Variants in FAM117B observed in about 807,000 individuals in gnomAD.
FAM117B encodes family with sequence similarity 117 member B.
FAM117B carries 22 observed loss-of-function variants against 52.8 expected under a neutral mutation model. The observed-to-expected ratio is 0.42, with a 90% CI of 0.30 to 0.59. The LOEUF (loss-of-function observed/expected upper bound fraction) is 0.59, where lower values mean the gene tolerates loss of function less well. Among genes scored for constraint, FAM117B ranks in the 20% least tolerant of loss-of-function variants. The probability of loss-of-function intolerance (pLI) is 0.22; values close to 1 mark genes in which losing one functional copy is unlikely to be tolerated. For missense variants in FAM117B, 678 were observed against 802.6 expected, an observed-to-expected ratio of 0.84 and a Z score of 1.88; for synonymous variants, 309 against 324.1, an observed-to-expected ratio of 0.95 and a Z score of 0.50.
chr2:202,693,785 ACT>A lies in FAM117B; in HGVS notation c.602-2093_602-2092del, dbSNP rs1232631184. Among the ~76,000 whole-genome samples the A allele has an allele frequency of 9.2e-5, 14 of 151,898 alleles. No homozygotes were observed. The East Asian group carries it at 1.4e-3, about 15-fold the overall frequency. On this transcript the variant is annotated intron_variant, in intron 1 of 7. Coordinates refer to ENST00000392238, the MANE Select transcript of FAM117B (RefSeq NM_173511.4). ...GAATGGCCTATCATTACATTATGTGACTCTGCCGTAATGTGTCCAATCATCTT... is the reference window on the plus strand; with the variant it reads ...GAATGGCCTATCATTACATTATGTGACTGCCGTAATGTGTCCAATCATCTT...
At chr2:202,637,131 AG>A (rs1689698704) in intron 1 of FAM117B, among the ~76,000 whole-genome samples, 1 of 151,990 alleles carries the variant, frequency 6.6e-6, no homozygotes, top group African/African-American at 2.4e-5. Context: ...TCCTGACCTC[AG>A]GTGAAACGCC....
At chr2:202,723,155 C>T (rs1404243773) in intron 2 of FAM117B, among the ~76,000 whole-genome samples, 2 of 152,072 alleles carry the variant, frequency 1.3e-5, no homozygotes, top group African/African-American at 2.4e-5. Context: ...TTTAAGGATC[C>T]TTGTCAGAAT....
intron 4 of FAM117B, among the ~76,000 whole-genome samples, chr2:202,744,421 G>T (rs1691598961): frequency 6.6e-6 from 1 of 152,122 alleles, no homozygotes; most frequent in Non-Finnish European, 1.5e-5. Flanking sequence ...CTAGAGAAAA[G>T]TATTAATCTA....
At chr2:202,757,069 C>A in intron 5 of FAM117B, 144 bp from the exon 6 acceptor site, 1 of 830,256 alleles carries the variant, frequency 1.2e-6, no homozygotes, top group Non-Finnish European at 1.9e-6. Context: ...ATGTCACTAA[C>A]GTGCAACATG....
chr2:202,749,509 A>T (rs1292265356), intron 4 of FAM117B, among the ~76,000 whole-genome samples: 1 of 151,908 alleles, frequency 6.6e-6, no homozygotes, highest in African/African-American at 2.4e-5. Flanking sequence ...GTGTATATGT[A>T]TATAGAAGAA....
chr2:202,676,008 A>G (rs1410483628), intron 1 of FAM117B, among the ~76,000 whole-genome samples: 1 of 149,970 alleles, frequency 6.7e-6, no homozygotes, highest in African/African-American at 2.5e-5. Flanking sequence ...AAAAAAAAGA[A>G]TATAGCAAAA....
chr2:202,652,273 AT>A (rs200864839), intron 1 of FAM117B, among the ~76,000 whole-genome samples: 1 of 151,092 alleles, frequency 6.6e-6, no homozygotes, highest in African/African-American at 2.4e-5. Flanking sequence ...TAATTTCTTT[AT>A]TTTTTTTGTA....
intron 2 of FAM117B, among the ~76,000 whole-genome samples, chr2:202,723,520 C>T (rs955746360): frequency 1.3e-5 from 2 of 152,174 alleles, no homozygotes; most frequent in Non-Finnish European, 2.9e-5. Flanking sequence ...TTGCTATACA[C>T]ACGGTACTGA....
intron 1 of FAM117B, among the ~76,000 whole-genome samples, chr2:202,690,649 G>A (rs775317176): frequency 6.6e-6 from 1 of 152,164 alleles, no homozygotes; most frequent in African/African-American, 2.4e-5. Context: ...AACACCTAGA[G>A]GCATGTAAGG....
chr2:202,730,860 A>G (rs983508099), intron 4 of FAM117B, among the ~76,000 whole-genome samples: 3 of 152,212 alleles, frequency 2.0e-5, no homozygotes, highest in African/African-American at 7.2e-5. Flanking sequence ...CTTAGAAATG[A>G]CACTAAAAGC....
At chr2:202,651,647 T>G (rs1689960087) in intron 1 of FAM117B, among the ~76,000 whole-genome samples, 1 of 151,816 alleles carries the variant, frequency 6.6e-6, no homozygotes, top group African/African-American at 2.4e-5. Flanking sequence ...GTGCTGGGAT[T>G]ACAGGCGTGA....
intron 2 of FAM117B, among the ~76,000 whole-genome samples, chr2:202,701,073 A>G (rs2105778767): frequency 6.6e-6 from 1 of 152,314 alleles, no homozygotes; most frequent in East Asian, 1.9e-4. Context: ...GAGAGAAGTC[A>G]ATGCCTGACT....
chr2:202,754,930 C>T (rs1456887284), intron 4 of FAM117B, among the ~76,000 whole-genome samples: 1 of 146,434 alleles, frequency 6.8e-6, no homozygotes, highest in Non-Finnish European at 1.5e-5. Context: ...ACTAACAGTT[C>T]TGCAGGCTGT....
At chr2:202,652,903 G>C (rs990096626) in intron 1 of FAM117B, among the ~76,000 whole-genome samples, 8 of 152,134 alleles carry the variant, frequency 5.3e-5, no homozygotes, top group Non-Finnish European at 8.8e-5. Context: ...GGGAGAACTT[G>C]CAAGATTTAA....
At chr2:202,735,864 A>C (rs1284366118) in intron 4 of FAM117B, among the ~76,000 whole-genome samples, 1 of 152,156 alleles carries the variant, frequency 6.6e-6, no homozygotes, top group African/African-American at 2.4e-5. Flanking sequence ...TACATGTGTC[A>C]TGTTGGTGTG....
Position 202,726,250 on chromosome 2 carries a change from AT to A in FAM117B, c.849del (p.Ile283MetfsTer49). The A allele has an allele frequency of 6.2e-7, 1 of 1,611,254 alleles. No homozygotes were observed. The highest frequency in any genetic ancestry group is 8.5e-7 in the Non-Finnish European group (1 of 1,178,930). ...SWGSTDQLKEIAKLRQQLQRS... is the reference protein window; with the variant it reads ...SWGSTDQLKEXAKLRQQLQRS... ...GTACTTGCTATTTTTGCTTTCTCAGATTGCAAAATTACGCCAGCAGTTGCAG... is the reference window on the plus strand; with the variant it reads ...GTACTTGCTATTTTTGCTTTCTCAGATGCAAAATTACGCCAGCAGTTGCAG... On this transcript the variant is annotated frameshift_variant and splice_region_variant, in exon 4 of 8. Transcript: ENST00000392238. LOFTEE classifies it high-confidence loss of function.
intron 1 of FAM117B, among the ~76,000 whole-genome samples, chr2:202,668,151 T>C (rs896118641): frequency 2.1e-5 from 3 of 139,946 alleles, no homozygotes; most frequent in African/African-American, 8.6e-5. Context: ...AATATATAAA[T>C]ATATAATTAT....
chr2:202,724,848 GA>G, intron 2 of FAM117B, 68 bp from the exon 3 acceptor site: 2 of 1,143,448 alleles, frequency 1.7e-6, no homozygotes, highest in Non-Finnish European at 2.5e-6. Flanking sequence ...TTTTATAATA[GA>G]AAAATATGGT....
At chr2:202,684,095 G>T (rs890076124) in intron 1 of FAM117B, among the ~76,000 whole-genome samples, 1 of 152,156 alleles carries the variant, frequency 6.6e-6, no homozygotes, top group Non-Finnish European at 1.5e-5. Flanking sequence ...TCGAACTCAT[G>T]AGCTTAAGCA....
Sources: allele counts gnomAD v4.1 joint callset (sites outside exome capture counted in the v4.1 genomes callset), GRCh38; gene constraint gnomAD v4.1.1; transcripts MANE v1.5; gene names NCBI Gene and HGNC (gene_info 2026-07-23, HGNC 2026-07-21).